NRXN3: variants seen among roughly 807,000 people sequenced by gnomAD.
NRXN3 encodes neurexin III.
A neutral mutation model predicts 137.6 loss-of-function variants in NRXN3; 32 were observed. The ratio of observed to expected loss-of-function variants is 0.23; its 90% CI spans 0.18 to 0.31. The LOEUF (loss-of-function observed/expected upper bound fraction) is 0.31. Among genes scored for constraint, NRXN3 ranks in the 10% least tolerant of loss-of-function variants. The pLI is 1.00. For missense variants in NRXN3, 1,574 were observed against 2,062.5 expected, an observed-to-expected ratio of 0.76 and a Z score of 4.59; for synonymous variants, 798 against 784.5, an observed-to-expected ratio of 1.02 and a Z score of -0.29.
At chr14:79,524,736 G>T (rs1193395831) in intron 16 of NRXN3, among the ~76,000 whole-genome samples, 2 of 152,134 alleles carry the variant, frequency 1.3e-5, no homozygotes, top group Admixed American at 1.3e-4. Flanking sequence ...GAGAAAAAGT[G>T]TACACATTTA....
intron 15 of NRXN3, among the ~76,000 whole-genome samples, chr14:79,082,391 T>TTGTGTGTGTGTGTGTG (rs57728169): frequency 1.1e-3 from 156 of 147,028 alleles, no homozygotes; most frequent in African/African-American, 3.6e-3. Context: ...TGCAAACTAA[T>TTGTGTGTGTGTGTGTG]TGTGTGTGTG....
chr14:79,073,188 G>C (rs1030906170), intron 15 of NRXN3, among the ~76,000 whole-genome samples: 1 of 151,938 alleles, frequency 6.6e-6, no homozygotes, highest in African/African-American at 2.4e-5. Flanking sequence ...CGCCCGGCCC[G>C]TCTCTAAGTT....
chr14:78,669,434 C>A (rs2097915728), intron 6 of NRXN3, among the ~76,000 whole-genome samples: 1 of 152,126 alleles, frequency 6.6e-6, no homozygotes, highest in Non-Finnish European at 1.5e-5. Flanking sequence ...ACTCCGTAGG[C>A]AGAGCAGCCC....
At chr14:78,783,182 A>G (rs1338827437) in intron 8 of NRXN3, among the ~76,000 whole-genome samples, 1 of 152,236 alleles carries the variant, frequency 6.6e-6, no homozygotes, top group Non-Finnish European at 1.5e-5. Flanking sequence ...AATAAGCAGG[A>G]AATTATCACC....
At chr14:79,096,070 C>T (rs1267232454) in intron 15 of NRXN3, among the ~76,000 whole-genome samples, 1 of 151,742 alleles carries the variant, frequency 6.6e-6, no homozygotes, top group Non-Finnish European at 1.5e-5. Flanking sequence ...CTCCTCCTTC[C>T]CTGCCTCTCT....
intron 4 of NRXN3, among the ~76,000 whole-genome samples, chr14:78,324,382 C>T (rs1003222194): frequency 2.0e-5 from 3 of 152,000 alleles, no homozygotes; most frequent in African/African-American, 7.3e-5. Context: ...GAGATGTGTT[C>T]TACCCATGAT....
In NRXN3 at chr14:79,452,693, A is replaced by G. The variant is rs183905484; in HGVS notation, c.3263-14528A>G. Among the ~76,000 whole-genome samples, 267 of 152,336 alleles carry G rather than the reference A, an allele frequency of 1.8e-3. 2 individuals are homozygous for G. Among genetic ancestry groups the G allele is most frequent in the Non-Finnish European group, 1.6e-3 (109 of 68,026 alleles). The stretch of plus-strand genomic sequence containing the variant: ...GCACACTTTCAAAGGAGGAAGAGGT[A>G]TTGAGATGAGACAGAGAAATTGAGA... On this transcript the variant is annotated intron_variant, in intron 15 of 20. Transcript: ENST00000335750.
intron 4 of NRXN3, among the ~76,000 whole-genome samples, chr14:78,485,903 G>A (rs528265060): frequency 1.3e-5 from 2 of 152,316 alleles, no homozygotes; most frequent in African/African-American, 4.8e-5. Context: ...ACTACAGTAT[G>A]GGCAGGTAGA....
At chr14:79,689,604 T>C (rs1409734936) in intron 17 of NRXN3, among the ~76,000 whole-genome samples, 1 of 152,108 alleles carries the variant, frequency 6.6e-6, no homozygotes, top group Non-Finnish European at 1.5e-5. Context: ...TTTTTCTAAA[T>C]GTCTTTAAAG....
At chr14:79,772,008 A>G (rs1262889757) in intron 19 of NRXN3, among the ~76,000 whole-genome samples, 19 of 138,080 alleles carry the variant, frequency 1.4e-4, no homozygotes, top group Middle Eastern at 3.8e-3. Flanking sequence ...CCAAATCATG[A>G]GTGAACTCCC....
At chr14:79,527,475 TA>T (rs1640999131) in intron 16 of NRXN3, among the ~76,000 whole-genome samples, 1 of 151,814 alleles carries the variant, frequency 6.6e-6, no homozygotes, top group African/African-American at 2.4e-5. Flanking sequence ...TCAGGGAAGA[TA>T]AAAAATATTA....
At chr14:78,757,748 G>T (rs897298862) in intron 8 of NRXN3, among the ~76,000 whole-genome samples, 4 of 152,170 alleles carry the variant, frequency 2.6e-5, no homozygotes, top group Admixed American at 6.5e-5. Context: ...TCTGGGGTTT[G>T]GTTAATGGTA....
chr14:79,486,358 A>G (rs2096655677), intron 16 of NRXN3, among the ~76,000 whole-genome samples: 1 of 152,246 alleles, frequency 6.6e-6, no homozygotes, highest in African/African-American at 2.4e-5. Context: ...TGCTTATATT[A>G]TCACACATAC....
chr14:79,656,815 T>G (rs1217403491), intron 16 of NRXN3, among the ~76,000 whole-genome samples: 1 of 152,122 alleles, frequency 6.6e-6, no homozygotes, highest in Non-Finnish European at 1.5e-5. Context: ...GTAACTTTCC[T>G]GGTTGGGTGC....
At chr14:78,822,689 A>C (rs1371435472) in intron 10 of NRXN3, among the ~76,000 whole-genome samples, 1 of 147,766 alleles carries the variant, frequency 6.8e-6, no homozygotes, top group East Asian at 2.0e-4. Flanking sequence ...AACAAAACAA[A>C]CAACCAACAA....
intron 20 of NRXN3, among the ~76,000 whole-genome samples, chr14:79,814,083 AC>A (rs1325561360): frequency 6.6e-6 from 1 of 152,222 alleles, no homozygotes; most frequent in Non-Finnish European, 1.5e-5. Flanking sequence ...ATCTAGGCTA[AC>A]CCAGCAAGTC....
intron 16 of NRXN3, among the ~76,000 whole-genome samples, chr14:79,562,959 A>G (rs112087417): frequency 3.3e-5 from 5 of 152,302 alleles, no homozygotes; most frequent in African/African-American, 9.6e-5. Context: ...TGGAGACTGA[A>G]TAAGATCTAT....
chr14:79,100,901 C>T (rs1465839734), intron 15 of NRXN3, among the ~76,000 whole-genome samples: 2 of 151,796 alleles, frequency 1.3e-5, no homozygotes, highest in African/African-American at 4.8e-5. Context: ...CTTTTTGGTC[C>T]AAAACTAAAT....
chr14:79,201,563 CTACTT>C (rs2066015292), intron 15 of NRXN3: 1 of 152,122 alleles, frequency 6.6e-6, no homozygotes, highest in Non-Finnish European at 1.5e-5. Flanking sequence ...AATGTTGACT[CTACTT>C]TCTTTCTCTA....
Sources: allele counts gnomAD v4.1 joint callset (sites outside exome capture counted in the v4.1 genomes callset), GRCh38; gene constraint gnomAD v4.1.1; transcripts MANE v1.5; gene names NCBI Gene and HGNC (gene_info 2026-07-23, HGNC 2026-07-21).